Variants in MAPK10 observed in about 807,000 individuals in gnomAD.
MAPK10 encodes JNK3 alpha protein kinase.
MAPK10 carries 25 observed loss-of-function variants against 59.3 expected under a neutral mutation model. The ratio of observed to expected loss-of-function variants is 0.42; its 90% CI spans 0.31 to 0.59. MAPK10 has a LOEUF of 0.59. Ranked by LOEUF, MAPK10 falls within the 20% of genes least tolerant of loss-of-function variation. The pLI is 0.15. For synonymous variants in MAPK10, 190 were observed against 200.5 expected (o/e 0.95, Z 0.44); for missense variants, 351 against 568.9 (o/e 0.62, Z 3.90).
At chr4:86,198,856 T>C (rs555713788) in intron 2 of MAPK10, among the ~76,000 whole-genome samples, 2 of 151,504 alleles carry the variant, frequency 1.3e-5, no homozygotes, top group South Asian at 4.2e-4. Context: ...TATAAAAAGC[T>C]CCTTAAAAAT....
chr4:86,248,558 A>T (rs917167613), intron 2 of MAPK10, among the ~76,000 whole-genome samples: 2 of 152,220 alleles, frequency 1.3e-5, no homozygotes, highest in Non-Finnish European at 2.9e-5. Flanking sequence ...TAAATCTCAA[A>T]TGGCTACAGC....
At chr4:86,421,213 G>A (rs145781696) in intron 1 of MAPK10, among the ~76,000 whole-genome samples, 6 of 152,116 alleles carry the variant, frequency 3.9e-5, no homozygotes, top group East Asian at 3.9e-4. Flanking sequence ...AAGTTCTATC[G>A]TTCTTTTTGC....
intron 2 of MAPK10, among the ~76,000 whole-genome samples, chr4:86,236,565 CA>C (rs1563419600): frequency 6.6e-6 from 1 of 152,134 alleles, no homozygotes; most frequent in Non-Finnish European, 1.5e-5. Flanking sequence ...GATATGATCT[CA>C]TGTGTATTTT....
chr4:86,549,988 AGTT>A (rs1283410738), intron 1 of MAPK10, among the ~76,000 whole-genome samples: 1 of 152,142 alleles, frequency 6.6e-6, no homozygotes, highest in Admixed American at 6.5e-5. Flanking sequence ...GTGATCTGTA[AGTT>A]GTTATGTATC....
intron 2 of MAPK10, among the ~76,000 whole-genome samples, chr4:86,258,557 C>T (rs2093851790): frequency 6.6e-6 from 1 of 152,124 alleles, no homozygotes; most frequent in South Asian, 2.1e-4. Context: ...ATAGTGCATG[C>T]TTGCTGTCTT....
In MAPK10 at chr4:86,177,942, T is replaced by C. The variant is rs180751260; in HGVS notation, c.66+16394A>G. ...GTCATCTAATAATATTTCATATTTA[T>C]TTAAAAGACATTGCTTTAACCAAAA... On this transcript the variant is annotated intron_variant, in intron 3 of 13. Transcript: ENST00000641462. 4.3e-3 allele frequency among the ~76,000 whole-genome samples: 654 copies of C among 152,198 alleles called. 1 individual carries two copies. The highest frequency in any genetic ancestry group is 6.5e-3 in the Non-Finnish European group (441 of 67,966).
At chr4:86,184,093 C>T (rs1417269814) in intron 3 of MAPK10, among the ~76,000 whole-genome samples, 3 of 152,214 alleles carry the variant, frequency 2.0e-5, no homozygotes, top group East Asian at 1.9e-4. Flanking sequence ...TGTAGGTTGC[C>T]TGTTCACTCT....
intron 1 of MAPK10, among the ~76,000 whole-genome samples, chr4:86,405,047 T>C (rs1744194048): frequency 6.6e-6 from 1 of 152,202 alleles, no homozygotes; most frequent in Admixed American, 6.5e-5. Flanking sequence ...CTGCGCACTC[T>C]ATAGGTATTA....
chr4:86,574,839 C>T (rs1761752916), intron 1 of MAPK10, among the ~76,000 whole-genome samples: 1 of 152,078 alleles, frequency 6.6e-6, no homozygotes, highest in Non-Finnish European at 1.5e-5. Flanking sequence ...ATAATCTGTA[C>T]ACCTCTTATT....
intron 2 of MAPK10, among the ~76,000 whole-genome samples, chr4:86,214,511 TAAA>T (rs70948783): frequency 3.4e-4 from 26 of 75,954 alleles, no homozygotes; most frequent in South Asian, 1.4e-3. Flanking sequence ...TAAGATTCCT[TAAA>T]AAAAAAAAAA....
chr4:86,274,466 A>G (rs2094517618), intron 2 of MAPK10, among the ~76,000 whole-genome samples: 1 of 151,774 alleles, frequency 6.6e-6, no homozygotes, highest in African/African-American at 2.4e-5. Flanking sequence ...TCCTATTCCA[A>G]TTGATTGCCA....
At chr4:86,399,914 T>C (rs1743470178) in intron 1 of MAPK10, 1 of 152,190 alleles carries the variant, frequency 6.6e-6, no homozygotes, top group African/African-American at 2.4e-5. Flanking sequence ...TTTTAAGTTT[T>C]CTATAATAGA....
intron 2 of MAPK10, among the ~76,000 whole-genome samples, chr4:86,258,007 G>A (rs969856303): frequency 6.6e-5 from 10 of 152,040 alleles, no homozygotes; most frequent in Non-Finnish European, 1.2e-4. Context: ...AGACTGATAG[G>A]ACCTACTAGA....
intron 1 of MAPK10, among the ~76,000 whole-genome samples, chr4:86,548,425 C>G (rs1446452740): frequency 6.6e-6 from 1 of 152,184 alleles, no homozygotes; most frequent in African/African-American, 2.4e-5. Context: ...AGACCAAGAA[C>G]CCACCAATTC....
chr4:86,392,011 G>A (rs562156697), intron 1 of MAPK10, among the ~76,000 whole-genome samples: 19 of 152,222 alleles, frequency 1.2e-4, no homozygotes, highest in Admixed American at 1.2e-3. Context: ...GGACCAATAA[G>A]CTCAATTCTA....
intron 11 of MAPK10, among the ~76,000 whole-genome samples, chr4:86,047,847 G>A (rs866887974): frequency 4.0e-4 from 61 of 152,130 alleles, no homozygotes; most frequent in African/African-American, 1.4e-3. Context: ...TGAATGTAAC[G>A]TGTTTTACAT....
intron 11 of MAPK10, among the ~76,000 whole-genome samples, 174 bp downstream of exon 11, chr4:86,064,092 G>T (rs1457458534): frequency 6.6e-6 from 1 of 152,168 alleles, no homozygotes; most frequent in Non-Finnish European, 1.5e-5. Context: ...TGAAAAAAAT[G>T]TATTTAAAAC....
At chr4:86,273,431 T>G (rs1172108449) in intron 2 of MAPK10, among the ~76,000 whole-genome samples, 2 of 152,164 alleles carry the variant, frequency 1.3e-5, no homozygotes, top group East Asian at 3.9e-4. Flanking sequence ...AGCATGGATA[T>G]GAACTAGCTC....
At chr4:86,309,059 C>T (rs2095621714) in intron 2 of MAPK10, among the ~76,000 whole-genome samples, 1 of 152,114 alleles carries the variant, frequency 6.6e-6, no homozygotes, top group Non-Finnish European at 1.5e-5. Flanking sequence ...TTATATCCTA[C>T]AATCTTTACA....
Sources: allele counts gnomAD v4.1 joint callset (sites outside exome capture counted in the v4.1 genomes callset), GRCh38; gene constraint gnomAD v4.1.1; transcripts MANE v1.5; gene names NCBI Gene and HGNC (gene_info 2026-07-23, HGNC 2026-07-21).